ATAD1: variants seen among roughly 807,000 people sequenced by gnomAD.
ATAD1 encodes outer mitochondrial transmembrane helix translocase.
In ATAD1, 18 loss-of-function variants were observed where a neutral mutation model predicts 42.7. The ratio of observed to expected loss-of-function variants is 0.42; its 90% CI spans 0.29 to 0.63. ATAD1 has a LOEUF of 0.63. Ranked by LOEUF, ATAD1 falls within the 20% of genes least tolerant of loss-of-function variation. The pLI is 0.19. For missense variants in ATAD1, 294 were observed against 440.4 expected (o/e 0.67, Z 2.98); for synonymous variants, 132 against 143.1 (o/e 0.92, Z 0.55).
At chr10:87,759,148 T>C (rs1854364026) in intron 8 of ATAD1, among the ~76,000 whole-genome samples, 1 of 152,188 alleles carries the variant, frequency 6.6e-6, no homozygotes, top group South Asian at 2.1e-4. Context: ...TCTTCTCATG[T>C]GTCCTTAAGA....
At chr10:87,819,728 G>A (rs1198533704), upstream of ATAD1, among the ~76,000 whole-genome samples, 2 of 152,144 alleles carry the variant, frequency 1.3e-5, no homozygotes, top group African/African-American at 4.8e-5. Context: ...TGGAACATAG[G>A]TCTGTCTAAT....
chr10:87,813,321 T>G (rs1208568777), intron 2 of ATAD1, among the ~76,000 whole-genome samples: 3 of 151,968 alleles, frequency 2.0e-5, no homozygotes, highest in Admixed American at 2.0e-4. Flanking sequence ...AACACTTAGG[T>G]TGACATATGG....
At chr10:87,839,661 T>C (rs569900574) in intron 1 of ATAD1, among the ~76,000 whole-genome samples, 1 of 152,308 alleles carries the variant, frequency 6.6e-6, no homozygotes, top group East Asian at 1.9e-4. Flanking sequence ...GGCAATTTCA[T>C]GTTATGCTCT....
At chr10:87,823,562 G>A (rs1272875901) in intron 1 of ATAD1, among the ~76,000 whole-genome samples, 2 of 152,192 alleles carry the variant, frequency 1.3e-5, no homozygotes, top group South Asian at 2.1e-4. Context: ...CTTAAATGGG[G>A]AGGAGGTGGG....
At chr10:87,825,471 G>A (rs1476525887) in intron 1 of ATAD1, among the ~76,000 whole-genome samples, 6 of 151,710 alleles carry the variant, frequency 4.0e-5, no homozygotes, top group Admixed American at 6.6e-5. Context: ...CACCACACCC[G>A]GCTAATTTTT....
At chr10:87,795,751 G>A (rs184394134) in intron 2 of ATAD1, among the ~76,000 whole-genome samples, 2 of 152,098 alleles carry the variant, frequency 1.3e-5, no homozygotes, top group African/African-American at 2.4e-5. Flanking sequence ...AGTAGGGAAG[G>A]CAGAAATGGG....
At chr10:87,809,502 G>C (rs1857078548) in intron 2 of ATAD1, among the ~76,000 whole-genome samples, 1 of 150,412 alleles carries the variant, frequency 6.6e-6, no homozygotes, top group South Asian at 2.1e-4. Context: ...AGTGGCAGGA[G>C]AGACGGGCAC....
intron 3 of ATAD1, among the ~76,000 whole-genome samples, chr10:87,791,298 A>G (rs1856098104): frequency 6.6e-6 from 1 of 152,134 alleles, no homozygotes; most frequent in Non-Finnish European, 1.5e-5. Context: ...AATAGACAAG[A>G]AAAACCTGAT....
At chr10:87,759,608 C>G (rs2131763501) in intron 8 of ATAD1, 1 of 328,530 alleles carries the variant, frequency 3.0e-6, no homozygotes. Flanking sequence ...TAAGATGATA[C>G]AGTTAGAAAG....
intron 2 of ATAD1, among the ~76,000 whole-genome samples, chr10:87,805,682 C>T (rs1296107311): frequency 6.6e-6 from 1 of 152,034 alleles, no homozygotes; most frequent in Non-Finnish European, 1.5e-5. Flanking sequence ...GACCCCAACC[C>T]CTCCTGATTC....
At chr10:87,833,727 CTTTTTTTTT>C (rs3033524) in intron 1 of ATAD1, among the ~76,000 whole-genome samples, 1 of 100,768 alleles carries the variant, frequency 9.9e-6, no homozygotes, top group Non-Finnish European at 1.9e-5. Flanking sequence ...TCTTTCTTTC[CTTTTTTTTT>C]TTTTTTTTTT....
intron 8 of ATAD1, among the ~76,000 whole-genome samples, chr10:87,762,603 T>C (rs1364766971): frequency 6.6e-6 from 1 of 151,870 alleles, no homozygotes; most frequent in Non-Finnish European, 1.5e-5. Flanking sequence ...TAGCCAGGAT[T>C]ACGGTTGCCA....
intron 6 of ATAD1, among the ~76,000 whole-genome samples, chr10:87,773,540 GCCC>G (rs1046167640): frequency 4.0e-5 from 6 of 151,788 alleles, no homozygotes; most frequent in Non-Finnish European, 7.4e-5. Flanking sequence ...TTTAACCCCC[GCCC>G]CCAAAATACA....
intron 2 of ATAD1, among the ~76,000 whole-genome samples, chr10:87,812,238 T>C (rs576049453): frequency 1.2e-4 from 19 of 152,282 alleles, no homozygotes; most frequent in African/African-American, 4.1e-4. Flanking sequence ...TTTAATGAGT[T>C]AAGCCTACAG....
At chr10:87,833,149 G>A (rs2132113096) in intron 1 of ATAD1, 1 of 152,136 alleles carries the variant, frequency 6.6e-6, no homozygotes, top group Admixed American at 6.5e-5. Context: ...TTCTTTGATT[G>A]CTTTCATTAA....
Position 87,757,139 on chromosome 10 carries a change from T to C in ATAD1, c.832-217A>G, listed in dbSNP as rs148353996. The stretch of plus-strand genomic sequence containing the variant: ...ATTAAGACAAATAATTATTACTAGA[T>C]ACACTGTAGAGTGATGGGGAAGAAC... On this transcript the variant is annotated intron_variant, in intron 8 of 9. Coordinates refer to ENST00000680024, the MANE Select transcript of ATAD1 (RefSeq NM_001321967.2). 2.0e-5 allele frequency among the ~76,000 whole-genome samples: 3 copies of C among 152,136 alleles called. No individual in the cohort carries two copies. In the East Asian group the frequency reaches 5.8e-4, roughly 29 times the overall value.
chr10:87,802,282 C>T (rs553221471), intron 2 of ATAD1, among the ~76,000 whole-genome samples: 1 of 152,192 alleles, frequency 6.6e-6, no homozygotes, highest in South Asian at 2.1e-4. Flanking sequence ...GGAAAACTGG[C>T]TTCACACCTT....
chr10:87,816,333 C>T (rs1227471821), intron 1 of ATAD1, among the ~76,000 whole-genome samples: 2 of 152,132 alleles, frequency 1.3e-5, no homozygotes, highest in Non-Finnish European at 2.9e-5. Context: ...CACATTTCTC[C>T]ACTAGGAGCC....
At chr10:87,823,909 A>C (rs1471287103) in intron 1 of ATAD1, among the ~76,000 whole-genome samples, 1 of 152,238 alleles carries the variant, frequency 6.6e-6, no homozygotes, top group Non-Finnish European at 1.5e-5. Flanking sequence ...TAATAGCCAG[A>C]ATAACTGATA....
Sources: gnomAD v4.1 joint callset for allele counts (sites outside exome capture counted in the v4.1 genomes callset) on GRCh38, gnomAD v4.1.1 for gene constraint, MANE v1.5 for transcripts, NCBI Gene and HGNC (gene_info 2026-07-23, HGNC 2026-07-21) for gene names.